STK3: variants seen among roughly 807,000 people sequenced by gnomAD.
STK3 encodes the protein serine/threonine kinase 3.
Under a neutral mutation model 58.0 loss-of-function variants are expected in STK3, and 41 were observed. That is an observed-to-expected ratio of 0.71 (90% CI 0.55 to 0.92). The LOEUF is 0.92. Ranked by LOEUF, STK3 falls within the 40% of genes least tolerant of loss-of-function variation. The pLI, the probability that STK3 is intolerant of heterozygous loss-of-function variation, is 0.00. For missense variants in STK3, 479 were observed against 602.7 expected, an observed-to-expected ratio of 0.79 and a Z score of 2.15; for synonymous variants, 170 against 191.0, an observed-to-expected ratio of 0.89 and a Z score of 0.91.
At chr8:98,697,101 G>T (rs1456444555) in intron 6 of STK3, among the ~76,000 whole-genome samples, 1 of 152,048 alleles carries the variant, frequency 6.6e-6, no homozygotes, top group African/African-American at 2.4e-5. Context: ...TGTATGTGTC[G>T]AGGAATTTAT....
chr8:98,875,948 G>A (rs528822147), intron 3 of STK3, among the ~76,000 whole-genome samples: 19 of 152,184 alleles, frequency 1.2e-4, no homozygotes, highest in Admixed American at 2.0e-4. Flanking sequence ...CACAGTAGCA[G>A]ATGCTTATTG....
chr8:98,626,854 A>T (rs975078222), intron 6 of STK3, among the ~76,000 whole-genome samples: 8 of 152,180 alleles, frequency 5.3e-5, no homozygotes, highest in Admixed American at 3.9e-4. Context: ...CCAAACTAGA[A>T]ACTGCAGAAT....
Position 98,382,142 on chromosome 8 carries a change from C to T in STK3, n.57-2935G>A, listed in dbSNP as rs117512209. ...GCTGAGTGCAGACTGGGGCAGGAGC[C>T]CTGGGTGGAGACACACTGCCACGGT... On this transcript the variant is annotated intron_variant and non_coding_transcript_variant, in intron 1 of 2. Coordinates refer to the STK3 transcript ENST00000518704. Among the ~76,000 whole-genome samples, 716 of 151,680 alleles carry T rather than the reference C, an allele frequency of 4.7e-3. 2 individuals carry two copies. The highest frequency in any genetic ancestry group is 0.015 in the South Asian group (71 of 4,816).
intron 6 of STK3, among the ~76,000 whole-genome samples, chr8:98,671,574 T>TG (rs2071675066): frequency 6.8e-6 from 1 of 147,524 alleles, no homozygotes; most frequent in African/African-American, 2.6e-5. Context: ...TAGTTTGGGG[T>TG]TTTTTTTTGT....
chr8:98,712,313 C>G (rs1563919700), intron 4 of STK3, among the ~76,000 whole-genome samples: 1 of 152,188 alleles, frequency 6.6e-6, no homozygotes, highest in Non-Finnish European at 1.5e-5. Context: ...GGACTAAATG[C>G]TCCAATTAAA....
chr8:98,781,798 A>AT (rs1832107594), intron 1 of STK3, among the ~76,000 whole-genome samples: 1 of 146,790 alleles, frequency 6.8e-6, no homozygotes, highest in Non-Finnish European at 1.5e-5. Flanking sequence ...CAAAAAAATA[A>AT]AAAAAAAAAT....
intron 3 of STK3, among the ~76,000 whole-genome samples, chr8:98,407,908 G>C (rs1402658769): frequency 1.3e-5 from 2 of 152,208 alleles, no homozygotes; most frequent in African/African-American, 2.4e-5. Flanking sequence ...GGAAGAAAGG[G>C]AGCAACTAAG....
At chr8:98,726,822 A>C (rs1398173339) in intron 4 of STK3, among the ~76,000 whole-genome samples, 1 of 152,072 alleles carries the variant, frequency 6.6e-6, no homozygotes, top group East Asian at 1.9e-4. Context: ...AGAAACATCA[A>C]CCTTACTGTC....
Position 98,800,630 on chromosome 8 carries a change from G to C in STK3, c.26+24885C>G, listed in dbSNP as rs546660058. ...AACCAGGACTGCGCGCAGCACTCAT[G>C]GGCCAGCACGAGTTCCGGGTGGGTG... On this transcript the variant is annotated intron_variant, in intron 1 of 10. Transcript: ENST00000419617. This position sits in a 1 kb window ranked among gnomAD's most constrained non-coding sequence, Gnocchi z 4.8. Among the ~76,000 whole-genome samples the C allele has an allele frequency of 6.6e-6, 1 of 152,208 alleles. No individual in the cohort carries two copies. The highest frequency in any genetic ancestry group is 1.5e-5 in the Non-Finnish European group (1 of 68,022).
intron 10 of STK3, among the ~76,000 whole-genome samples, chr8:98,486,581 C>G (rs1822284285): frequency 6.6e-6 from 1 of 152,136 alleles, no homozygotes; most frequent in South Asian, 2.1e-4. Context: ...GTACACAACC[C>G]CCTAGGACCC....
chr8:98,444,361 C>A (rs1173394457), intron 1 of STK3, among the ~76,000 whole-genome samples: 1 of 152,106 alleles, frequency 6.6e-6, no homozygotes, highest in Non-Finnish European at 1.5e-5. Flanking sequence ...GCTTTAATGA[C>A]CCTTATCCTG....
chr8:98,374,228 G>A (rs1655306783), intron 2 of STK3, among the ~76,000 whole-genome samples: 1 of 152,238 alleles, frequency 6.6e-6, no homozygotes, highest in Non-Finnish European at 1.5e-5. Flanking sequence ...CCTGGGAGAA[G>A]CATGGCAGAG....
At chr8:98,592,329 A>T (rs1479789935) in intron 7 of STK3, among the ~76,000 whole-genome samples, 1 of 152,120 alleles carries the variant, frequency 6.6e-6, no homozygotes, top group Non-Finnish European at 1.5e-5. Flanking sequence ...GTCTTTGTTC[A>T]TATTGTTCAT....
intron 1 of STK3, among the ~76,000 whole-genome samples, chr8:98,902,946 T>C (rs953181952): frequency 1.3e-5 from 2 of 152,352 alleles, no homozygotes; most frequent in Admixed American, 1.3e-4. Context: ...TCAGTCAGTC[T>C]GACTCCAAAA....
chr8:98,933,993 C>A (rs987258019), intron 1 of STK3, among the ~76,000 whole-genome samples: 4 of 152,220 alleles, frequency 2.6e-5, no homozygotes, highest in Non-Finnish European at 5.9e-5. Context: ...TCTGGCTGAG[C>A]AGGGCCTTCC....
In STK3 at chr8:98,394,950, A is replaced by G. The variant is rs571108932; in HGVS notation, n.428-6703T>C. 7.2e-5 allele frequency among the ~76,000 whole-genome samples: 11 copies of G among 152,284 alleles called. No individual in the cohort carries two copies. In the East Asian group the frequency reaches 1.2e-3, roughly 16 times the overall value. ...GTCATTTCTGAGCTGAAGCATTTCA[A>G]TGTTTGTTTAGAACCCTCCACCATT... On this transcript the variant is annotated intron_variant and non_coding_transcript_variant, in intron 3 of 5. Coordinates refer to the STK3 transcript ENST00000649151.
downstream of STK3, among the ~76,000 whole-genome samples, chr8:98,370,195 G>A (rs567966960): frequency 6.6e-6 from 1 of 151,526 alleles, no homozygotes; most frequent in Non-Finnish European, 1.5e-5. Flanking sequence ...GGGAACCCTG[G>A]GCCTCCCAGG....
intron 3 of STK3, among the ~76,000 whole-genome samples, chr8:98,415,972 G>A (rs1282146849): frequency 1.3e-5 from 2 of 152,184 alleles, no homozygotes; most frequent in Non-Finnish European, 2.9e-5. Flanking sequence ...AGAGACTCTA[G>A]GGCACTTGTA....
chr8:98,590,600 C>A (rs537663241), intron 7 of STK3, among the ~76,000 whole-genome samples: 1 of 152,180 alleles, frequency 6.6e-6, no homozygotes, highest in African/African-American at 2.4e-5. Context: ...GGAGGCCCCC[C>A]GATCCAAGTC....
Sources: allele counts gnomAD v4.1 joint callset (sites outside exome capture counted in the v4.1 genomes callset), GRCh38; gene constraint gnomAD v4.1.1; non-coding constraint Gnocchi (gnomAD v3.1); transcripts MANE v1.5; gene names NCBI Gene and HGNC (gene_info 2026-07-23, HGNC 2026-07-21).